ATP8A2: variants seen among roughly 807,000 people sequenced by gnomAD.
ATP8A2 encodes the protein ATPase phospholipid transporting 8A2.
ATP8A2 carries 100 observed loss-of-function variants against 165.6 expected under a neutral mutation model. That is an observed-to-expected ratio of 0.60 (90% CI 0.51 to 0.71). ATP8A2 has a LOEUF of 0.71. ATP8A2 is among the 30% of genes least tolerant of loss of function. ATP8A2 has a pLI of 0.00. For synonymous variants in ATP8A2, 543 were observed against 548.8 expected, an observed-to-expected ratio of 0.99 and a Z score of 0.15; for missense variants, 1,227 against 1,479.5, an observed-to-expected ratio of 0.83 and a Z score of 2.80.
At chr13:25,745,939 G>C (rs1294737774) in intron 25 of ATP8A2, among the ~76,000 whole-genome samples, 1 of 152,180 alleles carries the variant, frequency 6.6e-6, no homozygotes. Flanking sequence ...AGCATGCTAG[G>C]CAGGAGGCTG....
At chr13:25,400,754 A>G (rs1309709318) in intron 1 of ATP8A2, among the ~76,000 whole-genome samples, 2 of 152,228 alleles carry the variant, frequency 1.3e-5, no homozygotes, top group Admixed American at 1.3e-4. Context: ...GTAACGGTGC[A>G]GAAAGGTTCT....
chr13:25,594,952 G>A (rs929479305), intron 24 of ATP8A2, among the ~76,000 whole-genome samples: 4 of 149,054 alleles, frequency 2.7e-5, no homozygotes, highest in Non-Finnish European at 4.4e-5. Context: ...ATCAAACAAC[G>A]AGTAGATAAA....
At chr13:26,000,737 A>G (rs1216369356) in intron 35 of ATP8A2, among the ~76,000 whole-genome samples, 1 of 150,514 alleles carries the variant, frequency 6.6e-6, no homozygotes, top group African/African-American at 2.4e-5. Context: ...CTTTAATGCC[A>G]ATACCCCCCA....
chr13:25,521,745 A>G (rs2037679961), intron 2 of ATP8A2, among the ~76,000 whole-genome samples: 3 of 152,154 alleles, frequency 2.0e-5, no homozygotes, highest in South Asian at 2.1e-4. Context: ...GGGTCTCACA[A>G]TGTTGCTGAT....
chr13:25,656,633 C>G (rs9511862), intron 24 of ATP8A2, among the ~76,000 whole-genome samples: 37,657 of 150,610 alleles, frequency 0.25, 5,054 homozygotes, highest in South Asian at 0.47. Context: ...AGATTTGTAA[C>G]CTATTATTAA....
At chr13:25,501,366 T>G (rs34849089) in intron 2 of ATP8A2, among the ~76,000 whole-genome samples, 12,044 of 152,146 alleles carry the variant, frequency 0.079, 654 homozygotes, top group African/African-American at 0.15. Flanking sequence ...TTGGCTGATA[T>G]GGATAATTTC....
intron 33 of ATP8A2, among the ~76,000 whole-genome samples, chr13:25,921,749 T>G (rs549666846): frequency 6.6e-6 from 1 of 152,332 alleles, no homozygotes; most frequent in Admixed American, 6.5e-5. Context: ...GCTATTTTGA[T>G]TGATTAGGTG....
chr13:25,674,331 A>G (rs2042329359), intron 24 of ATP8A2, among the ~76,000 whole-genome samples: 1 of 151,606 alleles, frequency 6.6e-6, no homozygotes, highest in African/African-American at 2.4e-5. Flanking sequence ...TTTGTTTTCA[A>G]CCATGTATGA....
intron 4 of ATP8A2, among the ~76,000 whole-genome samples, chr13:25,531,148 T>TTATATATATGTTA (rs1491456030): frequency 7.4e-6 from 1 of 134,348 alleles, no homozygotes; most frequent in Non-Finnish European, 1.6e-5. Context: ...TATATATATG[T>TTATATATATGTTA]TATATATATG....
intron 33 of ATP8A2, among the ~76,000 whole-genome samples, chr13:25,888,934 C>A: frequency 6.6e-6 from 1 of 151,820 alleles, no homozygotes; most frequent in East Asian, 1.9e-4. Context: ...AGTTTTTTTT[C>A]TTTTATGTAT....
rs2034477534 is a variant in ATP8A2, at chr13:25,427,232, C to G, written c.77-41745C>G. Among the ~76,000 whole-genome samples, 4 of 152,150 alleles carry G rather than the reference C, an allele frequency of 2.6e-5. No homozygotes were observed. In the South Asian group the frequency reaches 8.3e-4, roughly 32 times the overall value. Reference sequence around the variant, plus strand: ...CCGCCTCCTGTCAGATCAGCGGCAGCATTAGACTGTGCATGTGAGGGATCT... The same window carrying G: ...CCGCCTCCTGTCAGATCAGCGGCAGGATTAGACTGTGCATGTGAGGGATCT... On this transcript the variant is annotated intron_variant, in intron 1 of 36. Transcript: ENST00000381655.
chr13:25,916,026 A>G (rs1954259198), intron 33 of ATP8A2, among the ~76,000 whole-genome samples: 1 of 152,180 alleles, frequency 6.6e-6, no homozygotes, highest in Non-Finnish European at 1.5e-5. Flanking sequence ...TGCAGTCTCA[A>G]TCCTATTCCT....
At chr13:25,936,952 G>A (rs988962764) in intron 33 of ATP8A2, among the ~76,000 whole-genome samples, 6 of 152,184 alleles carry the variant, frequency 3.9e-5, no homozygotes, top group Admixed American at 3.9e-4. Context: ...TATTGAAGCA[G>A]CAGAAAGCTC....
At chr13:25,570,911 T>A in intron 17 of ATP8A2, 39 bp downstream of exon 17, 2 of 1,430,648 alleles carry the variant, frequency 1.4e-6, no homozygotes, top group Non-Finnish European at 2.0e-6. Flanking sequence ...TGGCCCCTTC[T>A]CAGGACACCT....
In ATP8A2 at chr13:25,431,019, T is replaced by TAC. The variant is rs1407054823; in HGVS notation, c.77-37942_77-37941dup. Among the ~76,000 whole-genome samples, 825 of 151,252 alleles carry TAC rather than the reference T, an allele frequency of 5.5e-3. 5 individuals carry two copies. The highest frequency in any genetic ancestry group is 0.015 in the African/African-American group (626 of 41,290). ...AAACACACACACACACACATATATA[T>TAC]ACACACACACACACACATAATGGGT... On this transcript the variant is annotated intron_variant, in intron 1 of 36. Transcript: ENST00000381655.
At chr13:25,643,076 G>A (rs190051550) in intron 24 of ATP8A2, among the ~76,000 whole-genome samples, 11 of 152,244 alleles carry the variant, frequency 7.2e-5, no homozygotes, top group Admixed American at 5.2e-4. Flanking sequence ...GATGGGGGGA[G>A]GGGAGAGGGA....
intron 36 of ATP8A2, among the ~76,000 whole-genome samples, chr13:26,014,621 G>T (rs1041704770): frequency 5.3e-5 from 8 of 151,944 alleles, no homozygotes; most frequent in Admixed American, 1.3e-4. Context: ...GACCAGAAGG[G>T]TCATTTCTAT....
intron 1 of ATP8A2, among the ~76,000 whole-genome samples, chr13:25,383,346 A>G (rs1593233828): frequency 6.8e-6 from 1 of 147,402 alleles, no homozygotes; most frequent in South Asian, 2.2e-4. Context: ...CTTGTGATCC[A>G]CCCACCTCAG....
intron 30 of ATP8A2, among the ~76,000 whole-genome samples, chr13:25,852,074 G>A (rs1952022245): frequency 6.6e-6 from 1 of 152,098 alleles, no homozygotes; most frequent in Admixed American, 6.6e-5. Flanking sequence ...CTCCTCCTCA[G>A]TCTGACGGGA....
Sources: gnomAD v4.1 joint callset for allele counts (sites outside exome capture counted in the v4.1 genomes callset) on GRCh38, gnomAD v4.1.1 for gene constraint, MANE v1.5 for transcripts, NCBI Gene and HGNC (gene_info 2026-07-23, HGNC 2026-07-21) for gene names.